Variants in RAD52 observed in about 807,000 individuals in gnomAD.
RAD52 encodes RAD52 DNA repair protein, also known as DNA repair protein RAD52 homolog.
A neutral mutation model predicts 55.5 loss-of-function variants in RAD52; 47 were observed. The ratio of observed to expected loss-of-function variants is 0.85; its 90% CI spans 0.67 to 1.08. The LOEUF is 1.08. Among genes scored for constraint, RAD52 ranks in the 50% least tolerant of loss-of-function variants. RAD52 has a pLI of 0.00. For synonymous variants in RAD52, 184 were observed against 198.9 expected, an observed-to-expected ratio of 0.92 and a Z score of 0.63; for missense variants, 468 against 522.8, an observed-to-expected ratio of 0.90 and a Z score of 1.02.
chr12:930,960 G>C (rs1245916745), intron 3 of RAD52, among the ~76,000 whole-genome samples: 11 of 145,294 alleles, frequency 7.6e-5, no homozygotes, highest in Admixed American at 5.7e-4. Flanking sequence ...GACAGAGCAA[G>C]ACCCTGTCTT....
At chr12:934,577 T>G (rs1401773525) in intron 1 of RAD52, among the ~76,000 whole-genome samples, 3 of 152,104 alleles carry the variant, frequency 2.0e-5, no homozygotes, top group African/African-American at 7.2e-5. Context: ...TTCCAAAATC[T>G]GAAGTCCAAA....
chr12:920,512 G>A (rs533640990), intron 7 of RAD52, among the ~76,000 whole-genome samples: 1 of 149,322 alleles, frequency 6.7e-6, no homozygotes, highest in South Asian at 2.1e-4. Flanking sequence ...AGCTGAGATC[G>A]CACCGCCACT....
At position 912,722 on chromosome 12, in the gene RAD52, CAAAAAAAAAA is replaced by C. The variant is rs60090525; in HGVS notation, c.*659_*668del. On this transcript the variant is annotated 3_prime_UTR_variant, in exon 12 of 12. Coordinates refer to ENST00000358495, the MANE Select transcript of RAD52 (RefSeq NM_134424.4). Reference sequence around the variant, plus strand: ...AGGGCAACACAGCCAGACCCCGTCTCAAAAAAAAAAAAAAAAAAAAAAACAAAAAACAGCC... The same window carrying C: ...AGGGCAACACAGCCAGACCCCGTCTCAAAAAAAAAAAAACAAAAAACAGCC... 6.8e-5 allele frequency: 5 copies of C among 73,162 alleles called. No individual in the cohort carries two copies. The East Asian group carries it at 1.9e-3, about 28-fold the overall frequency. The allele number at this position is 73,162 out of a possible 1,614,324, so 4.5% of individuals were successfully genotyped here. A position where few individuals can be genotyped will look rare whatever the true frequency, so the allele number is the denominator to read the frequency against.
intron 1 of RAD52, among the ~76,000 whole-genome samples, chr12:970,667 GTTGGGAGAGGGCAT>G (rs1394450975): frequency 6.6e-6 from 1 of 152,186 alleles, no homozygotes; most frequent in African/African-American, 2.4e-5. Flanking sequence ...TAGAAAGGCA[GTTGGGAGAGGGCAT>G]TTGGGAGGAG....
In RAD52 at chr12:925,446, A is replaced by G. The variant is rs781318903; in HGVS notation, c.543+4T>C. ...TTCACTCCACTCATCCATGTCTGAT[A>G]TACCTGGCGTGGAAGCTTATTTAGT... On this transcript the variant is annotated splice_donor_region_variant and intron_variant, in intron 7 of 11. Coordinates refer to ENST00000358495, the MANE Select transcript of RAD52 (RefSeq NM_134424.4). The G allele has an allele frequency of 6.2e-7, 1 of 1,611,112 alleles. No individual in the cohort carries two copies. Among genetic ancestry groups the G allele is most frequent in the South Asian group, 1.1e-5 (1 of 91,032 alleles).
chr12:954,130 T>G (rs1958573264), upstream of RAD52, among the ~76,000 whole-genome samples: 1 of 152,210 alleles, frequency 6.6e-6, no homozygotes, highest in African/African-American at 2.4e-5. Flanking sequence ...AGTTTTTGGT[T>G]TTCTGGTTTT....
chr12:939,973 G>A (rs1957836887), intron 1 of RAD52, among the ~76,000 whole-genome samples: 1 of 152,088 alleles, frequency 6.6e-6, no homozygotes, highest in Admixed American at 6.6e-5. Flanking sequence ...TATTCGGGAG[G>A]CTGAGGCAGG....
At chr12:972,899 AAT>A (rs1958883226) in intron 1 of RAD52, among the ~76,000 whole-genome samples, 1 of 152,090 alleles carries the variant, frequency 6.6e-6, no homozygotes, top group Non-Finnish European at 1.5e-5. Context: ...TCAAAGAGTC[AAT>A]GAGGGGGCAA....
chr12:948,573 G>A (rs539832721), intron 1 of RAD52, among the ~76,000 whole-genome samples: 2 of 152,278 alleles, frequency 1.3e-5, no homozygotes, highest in East Asian at 3.9e-4. Flanking sequence ...GCAAAGAATC[G>A]CTTGAACCCA....
chr12:985,960 G>A (rs1265125349), intron 1 of RAD52, among the ~76,000 whole-genome samples: 3 of 145,584 alleles, frequency 2.1e-5, no homozygotes, highest in East Asian at 4.1e-4. Flanking sequence ...TTGAGACAGA[G>A]TTTCACTCTT....
intron 1 of RAD52, among the ~76,000 whole-genome samples, chr12:961,992 C>T (rs1958693175): frequency 6.6e-6 from 1 of 152,160 alleles, no homozygotes; most frequent in South Asian, 2.1e-4. Context: ...GGAGAGATGC[C>T]TCAGGAGAAA....
intron 1 of RAD52, among the ~76,000 whole-genome samples, chr12:965,623 G>A (rs1958750033): frequency 6.6e-6 from 1 of 151,762 alleles, no homozygotes; most frequent in African/African-American, 2.4e-5. Context: ...ATTTGAACAG[G>A]TGACTATGTT....
At chr12:956,455 T>C (rs997901860) in intron 1 of RAD52, among the ~76,000 whole-genome samples, 2 of 152,242 alleles carry the variant, frequency 1.3e-5, no homozygotes, top group Admixed American at 6.5e-5. Context: ...AATTCTGGAA[T>C]CTCTTATTTC....
upstream of RAD52, chr12:991,101 C>G (rs1197753139): frequency 6.6e-6 from 1 of 151,328 alleles, no homozygotes; most frequent in Non-Finnish European, 1.5e-5. Flanking sequence ...GCGTCACGCT[C>G]CCGGGAGGCT....
intron 1 of RAD52, among the ~76,000 whole-genome samples, chr12:988,997 C>T (rs999820298): frequency 6.6e-6 from 1 of 152,190 alleles, no homozygotes; most frequent in African/African-American, 2.4e-5. Context: ...GGTAGGAAAC[C>T]AGCTATTGTG....
At chr12:986,856 C>T (rs1384861662) in intron 1 of RAD52, among the ~76,000 whole-genome samples, 1 of 151,722 alleles carries the variant, frequency 6.6e-6, no homozygotes, top group Non-Finnish European at 1.5e-5. Context: ...AACTAAGTTC[C>T]TGGGACTTCC....
chr12:930,827 T>A (rs1248521273), intron 3 of RAD52, among the ~76,000 whole-genome samples: 1 of 151,412 alleles, frequency 6.6e-6, no homozygotes, highest in Non-Finnish European at 1.5e-5. Context: ...ATTAACCAGG[T>A]GTGGTGGCGT....
At chr12:913,541 A>G (rs1231359059) in intron 11 of RAD52, 89 bp from the exon 12 acceptor site, 2 of 1,025,944 alleles carry the variant, frequency 1.9e-6, no homozygotes, top group Non-Finnish European at 3.0e-6. Context: ...TAATGATCCT[A>G]ATTTAGACTA....
At chr12:947,042 C>A (rs924444839) in intron 1 of RAD52, among the ~76,000 whole-genome samples, 3 of 152,144 alleles carry the variant, frequency 2.0e-5, no homozygotes, top group Non-Finnish European at 2.9e-5. Context: ...AAAAAACACT[C>A]CCAGAGGGGC....
Sources: gnomAD v4.1 joint callset for allele counts (sites outside exome capture counted in the v4.1 genomes callset) on GRCh38, gnomAD v4.1.1 for gene constraint, MANE v1.5 for transcripts, NCBI Gene and HGNC (gene_info 2026-07-23, HGNC 2026-07-21) for gene names.